TENT4B: variants seen among roughly 807,000 people sequenced by gnomAD.
TENT4B encodes the protein terminal nucleotidyltransferase 4B.
A neutral mutation model predicts 75.0 loss-of-function variants in TENT4B; 10 were observed. The ratio of observed to expected loss-of-function variants is 0.13; its 90% CI spans 0.08 to 0.23. The LOEUF (loss-of-function observed/expected upper bound fraction) is 0.23, where lower values mean the gene tolerates loss of function less well. Ranked by LOEUF, TENT4B falls within the 10% of genes least tolerant of loss-of-function variation. TENT4B has a pLI of 1.00. For missense variants in TENT4B, 579 were observed against 893.8 expected, an observed-to-expected ratio of 0.65 and a Z score of 4.49; for synonymous variants, 350 against 357.7, an observed-to-expected ratio of 0.98 and a Z score of 0.24.
At position 50,225,088 on chromosome 16, in the gene TENT4B, A is replaced by G; in HGVS notation, c.1613-10A>G. ...AAGAAACGTTTTCCAATCTTTTGCC[A>G]CTCTTTCAGGAAATGGTGTTACCTT... On this transcript the variant is annotated splice_polypyrimidine_tract_variant and intron_variant, in intron 9 of 11. Coordinates refer to ENST00000561678, the MANE Select transcript of TENT4B (RefSeq NM_001365324.3). 1 of 1,609,368 alleles carries G rather than the reference A, an allele frequency of 6.2e-7. No individual in the cohort carries two copies. The highest frequency in any genetic ancestry group is 8.5e-7 in the Non-Finnish European group (1 of 1,176,946).
chr16:50,192,788 T>TA (rs2029936353), intron 1 of TENT4B, among the ~76,000 whole-genome samples: 1 of 152,090 alleles, frequency 6.6e-6, no homozygotes, highest in Non-Finnish European at 1.5e-5. Flanking sequence ...TTTCAACCAT[T>TA]AAAAAATGTA....
At position 50,233,300 on chromosome 16, in the gene TENT4B, C is replaced by T. The variant is rs2032350394; in HGVS notation, c.*3972C>T. On this transcript the variant is annotated 3_prime_UTR_variant, in exon 12 of 12. Coordinates refer to ENST00000561678, the MANE Select transcript of TENT4B (RefSeq NM_001365324.3). ...TTCTGACCCTCAAGACTCTAGCTAC[C>T]TGCCATCTTGTCAAAACATTTGTGG... 1 of 985,208 alleles carries T rather than the reference C, an allele frequency of 1.0e-6. No homozygotes were observed. The highest frequency in any genetic ancestry group is 1.7e-5 in the African/African-American group (1 of 57,208). 61.0% of individuals were successfully genotyped at this position (985,208 alleles called of 1,614,324 possible). A position where few individuals can be genotyped will look rare whatever the true frequency, so the allele number is the denominator to read the frequency against.
At chr16:50,167,897 T>C (rs2038132595) in intron 1 of TENT4B, among the ~76,000 whole-genome samples, 2 of 152,106 alleles carry the variant, frequency 1.3e-5, no homozygotes, top group Admixed American at 1.3e-4. Flanking sequence ...GCTCAAGCAA[T>C]CCTCTCATCT....
intron 1 of TENT4B, among the ~76,000 whole-genome samples, chr16:50,168,846 A>G (rs1481777464): frequency 6.6e-6 from 1 of 151,652 alleles, no homozygotes; most frequent in African/African-American, 2.4e-5. Context: ...GGGTTTCAAC[A>G]TGTTGGCCAG....
intron 1 of TENT4B, among the ~76,000 whole-genome samples, chr16:50,184,435 G>A (rs2150700484): frequency 6.6e-6 from 1 of 152,308 alleles, no homozygotes; most frequent in East Asian, 1.9e-4. Context: ...TTGGGAGGCT[G>A]AGGCGGGTGG....
At chr16:50,212,000 C>T (rs2031304477) in intron 2 of TENT4B, among the ~76,000 whole-genome samples, 1 of 152,168 alleles carries the variant, frequency 6.6e-6, no homozygotes, top group African/African-American at 2.4e-5. Context: ...AGTCAGTGAA[C>T]AAAATGATTA....
rs917278229 is a variant in TENT4B at position 50,222,223 on chromosome 16, G to C, written c.1039-83G>C. Reference sequence around the variant, plus strand: ...GTATATCTCTACCAAATTTTATAATGTAAGGACCAATTTATGCCCCTCTTA... The same window carrying C: ...GTATATCTCTACCAAATTTTATAATCTAAGGACCAATTTATGCCCCTCTTA... On this transcript the variant is annotated intron_variant, in intron 5 of 11. Transcript: ENST00000561678. 3.1e-6 allele frequency: 4 copies of C among 1,298,624 alleles called. No homozygotes were observed. In the African/African-American group the frequency reaches 6.0e-5, roughly 20 times the overall value. 80.4% of individuals were successfully genotyped at this position (1,298,624 alleles called of 1,614,324 possible).
chr16:50,171,461 C>T (rs969377985), intron 1 of TENT4B, among the ~76,000 whole-genome samples: 1 of 152,060 alleles, frequency 6.6e-6, no homozygotes, highest in Non-Finnish European at 1.5e-5. Context: ...GTGGTTCTTG[C>T]TAAGTCAGTA....
In TENT4B at chr16:50,222,354, T is replaced by C; in HGVS notation, c.1087T>C (p.Leu363=). Reference sequence around the variant, plus strand: ...GGTTTTAGTATTGAAACAATTCCTATTGCAGAGGGACCTTAATGAAGTATT... The same window carrying C: ...GGTTTTAGTATTGAAACAATTCCTACTGCAGAGGGACCTTAATGAAGTATT... The part of the protein sequence containing the change: ...YLVLVLKQFL[L]QRDLNEVFTG... Residue 363 remains leucine (L), a synonymous_variant, in exon 6 of 12, where the codon TTG becomes CTG. Coordinates refer to ENST00000561678, the MANE Select transcript of TENT4B (RefSeq NM_001365324.3). 1 of 1,611,094 alleles carries C rather than the reference T, an allele frequency of 6.2e-7. No homozygotes were observed. Among genetic ancestry groups the C allele is most frequent in the Non-Finnish European group, 8.5e-7 (1 of 1,178,166 alleles).
At position 50,230,579 on chromosome 16, in the gene TENT4B, A is replaced by G. The variant is rs368523472; in HGVS notation, c.*1251A>G. 2.3e-5 allele frequency: 22 copies of G among 976,382 alleles called. No homozygotes were observed. The African/African-American group carries it at 3.3e-4, about 15-fold the overall frequency. The allele number at this position is 976,382 out of a possible 1,614,324, so 60.5% of individuals were successfully genotyped here. The stretch of plus-strand genomic sequence containing the variant: ...CAAATTAAATGGTCTTTGATAATGG[A>G]TCTATTTTGTATTGCCTTATTAAGA... On this transcript the variant is annotated 3_prime_UTR_variant, in exon 12 of 12. Transcript: ENST00000561678.
At position 50,217,574 on chromosome 16, in the gene TENT4B, A is replaced by G; in HGVS notation, c.949A>G (p.Thr317Ala). Residue 317 changes from threonine to alanine, a missense_variant, in exon 5 of 12, where the codon ACA becomes GCA. Physicochemically the swap from Thr to Ala is moderately conservative, Grantham distance 58. This residue lies in a region of TENT4B where 55 missense variants were observed against 77.1 expected (regional missense o/e 0.71). Coordinates refer to ENST00000561678, the MANE Select transcript of TENT4B (RefSeq NM_001365324.3). ...TTTATAGGTACCTATTATTAAATTA[A>G]CAGATTCTTTTACTGAAGTGAAAGT... is the stretch of plus-strand genomic sequence containing the variant. ...DKATVPIIKL[T>A]DSFTEVKVDI... is the part of the protein sequence containing the mutation. 6.6e-7 allele frequency: 1 copy of G among 1,510,134 alleles called. No homozygotes were observed. Among genetic ancestry groups the G allele is most frequent in the African/African-American group, 1.4e-5 (1 of 70,644 alleles). The allele number at this position is 1,510,134 out of a possible 1,614,324, so 93.5% of individuals were successfully genotyped here.
rs1328327009 is a variant in TENT4B at position 50,232,917 on chromosome 16, TG to T, written c.*3591del. 24 of 985,378 alleles carry T rather than the reference TG, an allele frequency of 2.4e-5. No individual in the cohort carries two copies. The highest frequency in any genetic ancestry group is 2.9e-5 in the Non-Finnish European group (24 of 829,880). The allele number at this position is 985,378 out of a possible 1,614,324, so 61.0% of individuals were successfully genotyped here. ...TGGTTGCTTCACAGTCAAAACTAAA[TG>T]GTAAACTATCAAAAATACATTCCCA... On this transcript the variant is annotated 3_prime_UTR_variant, in exon 12 of 12. Transcript: ENST00000561678.
chr16:50,232,494 A>C lies in TENT4B; in HGVS notation c.*3166A>C, dbSNP rs980961409. On this transcript the variant is annotated 3_prime_UTR_variant, in exon 12 of 12. Coordinates refer to ENST00000561678, the MANE Select transcript of TENT4B (RefSeq NM_001365324.3). ...ATTTTTAATTGTCTTTTTCTGCTGGAACCTTATATCTCTCCATGTGTTTTC... is the reference window on the plus strand; with the variant it reads ...ATTTTTAATTGTCTTTTTCTGCTGGCACCTTATATCTCTCCATGTGTTTTC... The C allele has an allele frequency of 3.0e-6, 3 of 985,134 alleles. No homozygotes were observed. The highest frequency in any genetic ancestry group is 3.5e-5 in the African/African-American group (2 of 57,154). The allele number at this position is 985,134 out of a possible 1,614,324, so 61.0% of individuals were successfully genotyped here.
intron 1 of TENT4B, among the ~76,000 whole-genome samples, chr16:50,154,566 C>A (rs943456422): frequency 6.6e-6 from 1 of 150,838 alleles, no homozygotes; most frequent in African/African-American, 2.4e-5. Flanking sequence ...CTCCTCCCAT[C>A]CCCCTTAGTT....
intron 2 of TENT4B, among the ~76,000 whole-genome samples, chr16:50,213,355 G>C (rs1278574087): frequency 1.3e-5 from 2 of 152,080 alleles, no homozygotes; most frequent in Non-Finnish European, 2.9e-5. Context: ...CACTGTGCCC[G>C]GCCTATCCTT....
chr16:50,205,422 C>T (rs555379491), intron 1 of TENT4B, among the ~76,000 whole-genome samples: 40 of 152,222 alleles, frequency 2.6e-4, no homozygotes, highest in African/African-American at 9.1e-4. Context: ...CTTCCTAACT[C>T]TCCTGCCTGT....
In TENT4B at chr16:50,234,641, AAAAGTCTTTTG is replaced by A. The variant is rs1440588325; in HGVS notation, c.*5320_*5330del. 1.0e-6 allele frequency: 1 copy of A among 985,300 alleles called. No individual in the cohort carries two copies. The highest frequency in any genetic ancestry group is 1.2e-6 in the Non-Finnish European group (1 of 829,918). 61.0% of individuals were successfully genotyped at this position (985,300 alleles called of 1,614,324 possible). On this transcript the variant is annotated 3_prime_UTR_variant, in exon 12 of 12. Transcript: ENST00000561678. ...TTGAAACTTACAGAAGTCACTTTAA[AAAAGTCTTTTG>A]AAAGTCCTACAATCCTAAAATAAAT... is the stretch of plus-strand genomic sequence containing the variant.
At chr16:50,195,812 A>G (rs1424933150) in intron 1 of TENT4B, among the ~76,000 whole-genome samples, 4 of 152,226 alleles carry the variant, frequency 2.6e-5, no homozygotes, top group African/African-American at 9.6e-5. Context: ...TGTGAGCTAT[A>G]TAGTAGATCT....
intron 1 of TENT4B, among the ~76,000 whole-genome samples, chr16:50,162,214 A>G (rs1470739569): frequency 6.6e-6 from 1 of 152,180 alleles, no homozygotes; most frequent in African/African-American, 2.4e-5. Context: ...TGAAGGACAT[A>G]CCAGAAGGGT....
Sources: gnomAD v4.1 joint callset for allele counts (sites outside exome capture counted in the v4.1 genomes callset) on GRCh38, gnomAD v4.1.1 for gene constraint, gnomAD v4.1.1 regional missense constraint, MANE v1.5 for transcripts, NCBI Gene and HGNC (gene_info 2026-07-23, HGNC 2026-07-21) for gene names.